TST: variants seen among roughly 807,000 people sequenced by gnomAD.
TST encodes the protein epididymis secretory sperm binding protein.
In TST, 22 loss-of-function variants were observed where a neutral mutation model predicts 20.4. The ratio of observed to expected loss-of-function variants is 1.08; its 90% CI spans 0.77 to 1.54. TST has a LOEUF of 1.54. Among genes scored for constraint, TST ranks in the 40% most tolerant of loss-of-function variants. The pLI is 0.00. For missense variants in TST, 392 were observed against 405.2 expected, an observed-to-expected ratio of 0.97 and a Z score of 0.28; for synonymous variants, 187 against 173.8, an observed-to-expected ratio of 1.08 and a Z score of -0.60.
chr22:37,018,502 G>A lies in TST; in HGVS notation c.231C>T (p.Ser77=). The change falls in exon 2 of 3, where the codon AGC becomes AGT. Residue 77 remains serine, a synonymous_variant. Transcript: ENST00000249042. ...CCACATACTCGGCGAAGCCAGCCTCGCTGGGCAGCATCATCTCGTAGGGCG... is the reference window on the plus strand; with the variant it reads ...CCACATACTCGGCGAAGCCAGCCTCACTGGGCAGCATCATCTCGTAGGGCG... ...TASPYEMMLP[S]EAGFAEYVGR... 6.2e-7 allele frequency: 1 copy of A among 1,605,774 alleles called. No homozygotes were observed. The highest frequency in any genetic ancestry group is 8.5e-7 in the Non-Finnish European group (1 of 1,175,800).
intron 2 of TST, among the ~76,000 whole-genome samples, chr22:37,012,894 T>C (rs1188242856): frequency 6.6e-6 from 1 of 152,044 alleles, no homozygotes; most frequent in Non-Finnish European, 1.5e-5. Context: ...TATAAAAAAT[T>C]AGCCGGGTAT....
chr22:37,018,480 C>A lies in TST; in HGVS notation c.253G>T (p.Val85Leu). ...TGGTTGCTGATGCCCAGGCGGCCCA[C>A]ATACTCGGCGAAGCCAGCCTCGCTG... ...LPSEAGFAEY[V>L]GRLGISNHTH... is the part of the protein sequence containing the mutation. Residue 85 changes from valine to leucine, a missense_variant, in exon 2 of 3, where the codon GTG becomes TTG. Physicochemically the swap from Val to Leu is conservative, Grantham distance 32 (BLOSUM62 1). Coordinates refer to ENST00000249042, the MANE Select transcript of TST (RefSeq NM_003312.6). 1 of 1,610,774 alleles carries A rather than the reference C, an allele frequency of 6.2e-7. No individual in the cohort carries two copies. Among genetic ancestry groups the A allele is most frequent in the Non-Finnish European group, 8.5e-7 (1 of 1,178,604 alleles).
At chr22:37,012,268 G>C (rs1463986089) in intron 2 of TST, among the ~76,000 whole-genome samples, 1 of 152,224 alleles carries the variant, frequency 6.6e-6, no homozygotes, top group Non-Finnish European at 1.5e-5. Context: ...GATGGAAGCA[G>C]AGTGGAGGGA....
intron 2 of TST, among the ~76,000 whole-genome samples, chr22:37,017,494 C>T (rs1230368015): frequency 6.6e-6 from 1 of 152,184 alleles, no homozygotes; most frequent in African/African-American, 2.4e-5. Context: ...TCTCAGTCCC[C>T]CCACCCCCCG....
intron 1 of TST, 173 bp from the exon 2 acceptor site, chr22:37,018,926 C>A (rs1044129771): frequency 4.4e-5 from 22 of 497,168 alleles, no homozygotes; most frequent in Middle Eastern, 1.0e-3. Context: ...CAGATTCCCT[C>A]TGGAAAGCCG....
chr22:37,012,665 T>C (rs1922520196), intron 2 of TST, among the ~76,000 whole-genome samples: 1 of 152,188 alleles, frequency 6.6e-6, no homozygotes, highest in African/African-American at 2.4e-5. Context: ...ATCTGACTAG[T>C]GTGGCCAAGG....
At chr22:37,017,599 G>A (rs1403622136) in intron 2 of TST, among the ~76,000 whole-genome samples, 3 of 147,742 alleles carry the variant, frequency 2.0e-5, no homozygotes, top group Non-Finnish European at 4.4e-5. Context: ...CTCTGCCGAC[G>A]GGCTGCAGCT....
chr22:37,014,524 G>A (rs528103776), intron 2 of TST, among the ~76,000 whole-genome samples: 27 of 152,292 alleles, frequency 1.8e-4, no homozygotes, highest in African/African-American at 4.3e-4. Context: ...CATAACCTGC[G>A]GCACCAGGCA....
chr22:37,014,804 C>A (rs1000506398), intron 2 of TST, among the ~76,000 whole-genome samples: 3 of 152,196 alleles, frequency 2.0e-5, no homozygotes, highest in African/African-American at 7.2e-5. Flanking sequence ...CCTCAGGCCA[C>A]TGGTAGGTGT....
chr22:37,017,830 A>G (rs894070108), intron 2 of TST, among the ~76,000 whole-genome samples: 2 of 152,158 alleles, frequency 1.3e-5, no homozygotes, highest in Admixed American at 1.3e-4. Flanking sequence ...ATATCCTAGT[A>G]CATGTGGGGC....
chr22:37,013,623 G>A (rs1345150203), intron 2 of TST, among the ~76,000 whole-genome samples: 1 of 152,226 alleles, frequency 6.6e-6, no homozygotes, highest in Non-Finnish European at 1.5e-5. Context: ...ATTAAAAAAG[G>A]AAGTTTGATT....
rs1000783141 is a variant in TST at position 37,015,935 on chromosome 22, C to CTTTTTTTTTT, written c.595+2193_595+2202dup. ...TGAAATCCCTTTCCAGCCACTGCTA[C>CTTTTTTTTTT]TTTTTTTTTTTTTTTTTTTTTTTTT... is the stretch of plus-strand genomic sequence containing the variant. On this transcript the variant is annotated intron_variant, in intron 2 of 2. Transcript: ENST00000249042. Among the ~76,000 whole-genome samples, 9 of 73,868 alleles carry CTTTTTTTTTT rather than the reference C, an allele frequency of 1.2e-4. 1 individual carries two copies. Among genetic ancestry groups the CTTTTTTTTTT allele is most frequent in the African/African-American group, 5.2e-4 (9 of 17,202 alleles). The allele number at this position is 73,868 out of a possible 152,430, so 48.5% of individuals were successfully genotyped here.
At chr22:37,014,846 G>A (rs372558396) in intron 2 of TST, among the ~76,000 whole-genome samples, 1 of 152,102 alleles carries the variant, frequency 6.6e-6, no homozygotes, top group Admixed American at 6.5e-5. Context: ...GCTGTCTGGC[G>A]CTTTCTCCTT....
Position 37,018,304 on chromosome 22 carries a change from G to T in TST, c.429C>A (p.Ser143=), listed in dbSNP as rs755745420. ...CGGCCGGTTCTGGGCGTGAGGGCTC[G>T]GATGTCACCGGGTGGCCCTCCTTCA... ...NWLKEGHPVT[S]EPSRPEPAVF... Residue 143 remains serine, a synonymous_variant, in exon 2 of 3, where the codon TCC becomes TCA. Coordinates refer to ENST00000249042, the MANE Select transcript of TST (RefSeq NM_003312.6). 6.2e-7 allele frequency: 1 copy of T among 1,614,040 alleles called. No homozygotes were observed. Among genetic ancestry groups the T allele is most frequent in the South Asian group, 1.1e-5 (1 of 91,080 alleles).
intron 2 of TST, among the ~76,000 whole-genome samples, chr22:37,014,514 C>T (rs1922604413): frequency 6.6e-6 from 1 of 152,232 alleles, no homozygotes; most frequent in Non-Finnish European, 1.5e-5. Flanking sequence ...CCCCCATTCC[C>T]ATAACCTGCG....
At chr22:37,012,463 C>T (rs986759317) in intron 2 of TST, among the ~76,000 whole-genome samples, 3 of 152,236 alleles carry the variant, frequency 2.0e-5, no homozygotes, top group East Asian at 1.9e-4. Flanking sequence ...CTGTCTTCCT[C>T]GAGCAGCCCA....
At position 37,018,338 on chromosome 22, in the gene TST, C is replaced by T. The variant is rs763003876; in HGVS notation, c.395G>A (p.Arg132Gln). Residue 132 changes from arginine (R) to glutamine (Q), a missense_variant, in exon 2 of 3, where the codon CGG (arginine) becomes CAG (glutamine). Coordinates refer to ENST00000249042, the MANE Select transcript of TST (RefSeq NM_003312.6). ...RTVSVLNGGF[R>Q]NWLKEGHPVT... is the part of the protein sequence containing the mutation. ...CGGGTGGCCCTCCTTCAGCCAGTTCCGGAAGCCACCATTGAGCACTGATAC... is the reference window on the plus strand; with the variant it reads ...CGGGTGGCCCTCCTTCAGCCAGTTCTGGAAGCCACCATTGAGCACTGATAC... 8.1e-6 allele frequency: 13 copies of T among 1,613,840 alleles called. No homozygotes were observed. Among genetic ancestry groups the T allele is most frequent in the South Asian group, 6.6e-5 (6 of 91,090 alleles).
At chr22:37,011,983 G>A (rs1922495570) in intron 2 of TST, among the ~76,000 whole-genome samples, 1 of 152,240 alleles carries the variant, frequency 6.6e-6, no homozygotes, top group Admixed American at 6.5e-5. Context: ...GTTGCAGAAA[G>A]AGCAAGTGAC....
At chr22:37,018,867 T>A in intron 1 of TST, 114 bp from the exon 2 acceptor site, 1 of 743,838 alleles carries the variant, frequency 1.3e-6, no homozygotes, top group South Asian at 2.5e-5. Context: ...CCCGGGTTCC[T>A]TGTTTACAGC....
Sources: allele counts gnomAD v4.1 joint callset (sites outside exome capture counted in the v4.1 genomes callset), GRCh38; gene constraint gnomAD v4.1.1; transcripts MANE v1.5; gene names NCBI Gene and HGNC (gene_info 2026-07-23, HGNC 2026-07-21).